PTPN3: variants seen among roughly 807,000 people sequenced by gnomAD.
PTPN3 encodes the protein tyrosine-protein phosphatase non-receptor type 3.
A neutral mutation model predicts 132.7 loss-of-function variants in PTPN3; 96 were observed. The observed-to-expected ratio is 0.72, with a 90% CI of 0.61 to 0.86. PTPN3 has a LOEUF of 0.86. Among genes scored for constraint, PTPN3 ranks in the 40% least tolerant of loss-of-function variants. The pLI, the probability that PTPN3 is intolerant of heterozygous loss-of-function variation, is 0.00. For synonymous variants in PTPN3, 398 were observed against 429.0 expected, an observed-to-expected ratio of 0.93 and a Z score of 0.89; for missense variants, 1,125 against 1,159.6, an observed-to-expected ratio of 0.97 and a Z score of 0.43.
chr9:109,536,083 A>G, the PTPN3 span, among the ~76,000 whole-genome samples: 1 of 152,170 alleles, frequency 6.6e-6, no homozygotes, highest in African/African-American at 2.4e-5. Context: ...GGATTTGCCT[A>G]TTCTGGATAT....
intron 14 of PTPN3, chr9:109,417,551 T>C (rs943787943): frequency 2.0e-6 from 2 of 978,738 alleles, no homozygotes; most frequent in Admixed American, 6.2e-5. Context: ...TTTTTCTTTT[T>C]TTCTCTCACC....
the PTPN3 span, among the ~76,000 whole-genome samples, chr9:109,530,309 A>G: frequency 6.5e-3 from 987 of 152,316 alleles, 14 homozygotes; most frequent in African/African-American, 0.023. Flanking sequence ...GACCACTCAC[A>G]TAAGTGGAAT....
intron 1 of PTPN3, among the ~76,000 whole-genome samples, chr9:109,479,703 C>A (rs1846868066): frequency 6.6e-6 from 1 of 152,178 alleles, no homozygotes. Context: ...TCTCAGCTTC[C>A]CTAGTAGCTG....
chr9:109,480,948 T>C (rs574969188), intron 1 of PTPN3, among the ~76,000 whole-genome samples: 1 of 152,306 alleles, frequency 6.6e-6, no homozygotes, highest in Non-Finnish European at 1.5e-5. Flanking sequence ...GGTTGGATGG[T>C]TGATGGATAA....
At chr9:109,508,166 T>C in the PTPN3 span, among the ~76,000 whole-genome samples, 2 of 19,022 alleles carry the variant, frequency 1.1e-4, no homozygotes, top group African/African-American at 5.9e-4. Flanking sequence ...CTCTCTCTCT[T>C]TTTTTTTTTT....
chr9:109,380,890 C>CT (rs1395065951), intron 25 of PTPN3, among the ~76,000 whole-genome samples: 7 of 152,060 alleles, frequency 4.6e-5, no homozygotes, highest in African/African-American at 1.7e-4. Flanking sequence ...TTTCCAAATC[C>CT]TGCTTTAGAT....
chr9:109,512,362 C>T, the PTPN3 span, among the ~76,000 whole-genome samples: 2 of 152,236 alleles, frequency 1.3e-5, no homozygotes, highest in South Asian at 2.1e-4. Context: ...GCCTAACCAA[C>T]ACAAGTCTCC....
chr9:109,379,718 AT>A (rs1838865951), intron 25 of PTPN3, 85 bp from the exon 26 acceptor site: 1 of 1,136,698 alleles, frequency 8.8e-7, no homozygotes, highest in African/African-American at 1.5e-5. Flanking sequence ...CTTTTGCAGC[AT>A]TTGTAAATAT....
chr9:109,471,355 G>A (rs1846372005), intron 1 of PTPN3, among the ~76,000 whole-genome samples: 1 of 152,142 alleles, frequency 6.6e-6, no homozygotes, highest in South Asian at 2.1e-4. Context: ...ATCGTGCCCG[G>A]CCCACATACA....
rs191642886 is a variant in PTPN3 at position 109,441,108 on chromosome 9, A to G, written c.467-2874T>C. ...CTAATTTGGAGGCTAGACTCTGACC[A>G]TAGTCCCTGCTCTTACCTACTTACT... On this transcript the variant is annotated intron_variant, in intron 7 of 25. Coordinates refer to ENST00000374541, the MANE Select transcript of PTPN3 (RefSeq NM_002829.4). Among the ~76,000 whole-genome samples, 432 of 152,302 alleles carry G rather than the reference A, an allele frequency of 2.8e-3. 4 individuals carry two copies. Among genetic ancestry groups the G allele is most frequent in the African/African-American group, 9.7e-3 (403 of 41,564 alleles).
rs757467150 is a variant in PTPN3, at chr9:109,391,088, T to C, written c.2106+50A>G. ...GCCCCACACAGGCCCTCATCATCGTTGCGACAGTGGTGAATGTGCTCTTAA... is the reference window on the plus strand; with the variant it reads ...GCCCCACACAGGCCCTCATCATCGTCGCGACAGTGGTGAATGTGCTCTTAA... On this transcript the variant is annotated intron_variant, in intron 21 of 25. Transcript: ENST00000374541. The C allele has an allele frequency of 2.0e-5, 30 of 1,538,266 alleles. No homozygotes were observed. The East Asian group carries it at 6.5e-4, about 33-fold the overall frequency.
chr9:109,434,550 C>CT (rs1160774165), intron 9 of PTPN3, among the ~76,000 whole-genome samples: 1 of 152,180 alleles, frequency 6.6e-6, no homozygotes, highest in African/African-American at 2.4e-5. Flanking sequence ...TTAAGGGATC[C>CT]TCCTGCCTCG....
In PTPN3 at chr9:109,376,109, G is replaced by A. The variant is rs184231955; in HGVS notation, c.*3447C>T. The A allele has an allele frequency of 4.6e-5, 7 of 152,318 alleles. No homozygotes were observed. The highest frequency in any genetic ancestry group is 1.4e-4 in the African/African-American group (6 of 41,572). 9.4% of individuals were successfully genotyped at this position (152,318 alleles called of 1,614,324 possible). ...TCTCTGTAGCAGCCATAAAGCTTTG[G>A]TTTAGGATTAATTTTGATTCTCTGG... On this transcript the variant is annotated 3_prime_UTR_variant, in exon 26 of 26. Coordinates refer to ENST00000374541, the MANE Select transcript of PTPN3 (RefSeq NM_002829.4).
At chr9:109,463,662 C>G (rs374260544) in intron 1 of PTPN3, among the ~76,000 whole-genome samples, 1 of 152,200 alleles carries the variant, frequency 6.6e-6, no homozygotes, top group African/African-American at 2.4e-5. Flanking sequence ...CACAGAATTA[C>G]GTGGCTTATT....
intron 9 of PTPN3, 102 bp downstream of exon 9, chr9:109,436,781 G>A: frequency 1.4e-6 from 2 of 1,471,752 alleles, no homozygotes; most frequent in South Asian, 1.4e-5. Flanking sequence ...AAAAAGTCCT[G>A]TTATAATGAA....
Position 109,420,510 on chromosome 9 carries a change from C to T in PTPN3, c.1227G>A (p.Thr409=), listed in dbSNP as rs372178642. ...CCTTGTACGTGTAAAATACATCTTC[C>T]GTTTCCGTGATGTAGGTCATTTCAT... ...LANEMTYITE[T]EDVFYTYKGS... Residue 409 remains threonine (T), a synonymous_variant, in exon 14 of 26, where the codon ACG becomes ACA. Coordinates refer to ENST00000374541, the MANE Select transcript of PTPN3 (RefSeq NM_002829.4). 84 of 1,613,378 alleles carry T rather than the reference C, an allele frequency of 5.2e-5. No homozygotes were observed. Among genetic ancestry groups the T allele is most frequent in the Middle Eastern group, 1.8e-4 (1 of 5,682 alleles).
intron 25 of PTPN3, among the ~76,000 whole-genome samples, chr9:109,380,218 T>A (rs192038714): frequency 6.4e-4 from 66 of 103,232 alleles, no homozygotes; most frequent in South Asian, 3.3e-3. Flanking sequence ...TAGGAAAATC[T>A]ATCTATCTAT....
the PTPN3 span, among the ~76,000 whole-genome samples, chr9:109,536,910 T>C: frequency 3.9e-5 from 6 of 152,110 alleles, no homozygotes; most frequent in Non-Finnish European, 7.4e-5. Flanking sequence ...CTTTAAGTTG[T>C]GGAAATATTC....
At chr9:109,481,535 C>T (rs978162295) in intron 1 of PTPN3, among the ~76,000 whole-genome samples, 1 of 152,202 alleles carries the variant, frequency 6.6e-6, no homozygotes, top group African/African-American at 2.4e-5. Context: ...AGATATGCAC[C>T]TGGCTCTCTC....
Sources: allele counts gnomAD v4.1 joint callset (sites outside exome capture counted in the v4.1 genomes callset), GRCh38; gene constraint gnomAD v4.1.1; transcripts MANE v1.5; gene names NCBI Gene and HGNC (gene_info 2026-07-23, HGNC 2026-07-21).